The following TRAPPC9 variants were observed in gnomAD, a reference collection of about 807,000 sequenced individuals.
TRAPPC9 encodes trafficking protein particle complex subunit 9.
TRAPPC9 carries 83 observed loss-of-function variants against 124.0 expected under a neutral mutation model. The observed-to-expected ratio is 0.67, with a 90% CI of 0.56 to 0.80. The LOEUF (loss-of-function observed/expected upper bound fraction) is 0.80. TRAPPC9 is among the 30% of genes least tolerant of loss of function. The pLI, the probability that TRAPPC9 is intolerant of heterozygous loss-of-function variation, is 0.00. For missense variants in TRAPPC9, 1,302 were observed against 1,508.3 expected (o/e 0.86, Z 2.27); for synonymous variants, 638 against 617.5 (o/e 1.03, Z -0.49).
chr8:140,005,908 TAAAAA>T (rs757182607), intron 18 of TRAPPC9, among the ~76,000 whole-genome samples: 2 of 104,188 alleles, frequency 1.9e-5, no homozygotes, highest in Non-Finnish European at 4.0e-5. Flanking sequence ...AGACCCTGTC[TAAAAA>T]AAAAAAAAAA....
chr8:139,777,960 G>A (rs1341694643), intron 21 of TRAPPC9, among the ~76,000 whole-genome samples: 2 of 152,058 alleles, frequency 1.3e-5, no homozygotes, highest in Non-Finnish European at 2.9e-5. Flanking sequence ...ATACTGGAAA[G>A]GAGACAAGAG....
Position 140,116,204 on chromosome 8 carries a change from GA to G in TRAPPC9, c.2557-92126del, listed in dbSNP as rs571337168. On this transcript the variant is annotated intron_variant, in intron 17 of 22. Coordinates refer to ENST00000438773, the MANE Select transcript of TRAPPC9 (RefSeq NM_001160372.4). The stretch of plus-strand genomic sequence containing the variant: ...AATTTTTTATTCTTAAGGCAATGAG[GA>G]ATAACGAAAAGGTTTAAAGTAGGGT... Among the ~76,000 whole-genome samples the G allele has an allele frequency of 2.0e-5, 3 of 152,252 alleles. No homozygotes were observed. In the South Asian group the frequency reaches 6.2e-4, roughly 32 times the overall value.
intron 8 of TRAPPC9, among the ~76,000 whole-genome samples, chr8:140,365,379 G>A (rs769140128): frequency 9.2e-5 from 14 of 152,202 alleles, no homozygotes; most frequent in Admixed American, 5.2e-4. Context: ...CACATGGCAC[G>A]TGGAACGCGT....
intron 9 of TRAPPC9, among the ~76,000 whole-genome samples, chr8:140,334,361 G>C (rs2066978421): frequency 6.6e-6 from 1 of 151,554 alleles, no homozygotes; most frequent in African/African-American, 2.4e-5. Context: ...AATTAAATCA[G>C]TTCCATGGCT....
At chr8:139,860,613 CT>C (rs1258168654) in intron 21 of TRAPPC9, among the ~76,000 whole-genome samples, 1 of 152,222 alleles carries the variant, frequency 6.6e-6, no homozygotes, top group African/African-American at 2.4e-5. Flanking sequence ...AAACCTGGCT[CT>C]TTCCACACTT....
intron 4 of TRAPPC9, among the ~76,000 whole-genome samples, chr8:140,431,197 C>T (rs1270106219): frequency 6.6e-6 from 1 of 151,938 alleles, no homozygotes; most frequent in African/African-American, 2.4e-5. Context: ...TGGCTCACGC[C>T]TGTAATCCCA....
chr8:140,047,725 G>A (rs1026574755), intron 17 of TRAPPC9, among the ~76,000 whole-genome samples: 10 of 152,184 alleles, frequency 6.6e-5, no homozygotes, highest in Admixed American at 2.0e-4. Context: ...CCAGCCCCGA[G>A]TTCCGGTGTG....
intron 5 of TRAPPC9, among the ~76,000 whole-genome samples, chr8:140,420,877 CAACA>C (rs1337172131): frequency 1.3e-5 from 2 of 151,928 alleles, no homozygotes; most frequent in Non-Finnish European, 2.9e-5. Flanking sequence ...AATGAAAACC[CAACA>C]AACAAAGGGA....
intron 16 of TRAPPC9, among the ~76,000 whole-genome samples, chr8:140,246,259 C>A (rs563019672): frequency 6.6e-6 from 1 of 152,316 alleles, no homozygotes; most frequent in South Asian, 2.1e-4. Flanking sequence ...GCAAGTTTGA[C>A]AAGATGGTCC....
chr8:140,060,757 G>A (rs1842562196), intron 17 of TRAPPC9, among the ~76,000 whole-genome samples: 1 of 152,200 alleles, frequency 6.6e-6, no homozygotes, highest in Non-Finnish European at 1.5e-5. Flanking sequence ...TCTATTATCT[G>A]ACGACCCTTA....
At chr8:140,070,442 C>T (rs756234114) in intron 17 of TRAPPC9, among the ~76,000 whole-genome samples, 15 of 152,236 alleles carry the variant, frequency 9.9e-5, no homozygotes, top group East Asian at 3.9e-4. Context: ...ATAATACATA[C>T]GCATATATAT....
intron 10 of TRAPPC9, among the ~76,000 whole-genome samples, chr8:140,301,081 C>T (rs1248604634): frequency 2.6e-5 from 4 of 152,364 alleles, no homozygotes; most frequent in East Asian, 1.9e-4. Flanking sequence ...CCCAGGATGG[C>T]TCTTCTCTCT....
At chr8:139,874,135 A>G (rs1482157230) in intron 21 of TRAPPC9, among the ~76,000 whole-genome samples, 1 of 152,274 alleles carries the variant, frequency 6.6e-6, no homozygotes, top group Non-Finnish European at 1.5e-5. Context: ...GTCGTAAGGC[A>G]GATGCCAGGA....
intron 17 of TRAPPC9, among the ~76,000 whole-genome samples, chr8:140,091,131 A>G (rs762180915): frequency 1.1e-4 from 17 of 152,206 alleles, no homozygotes; most frequent in Admixed American, 5.2e-4. Flanking sequence ...AAGCAGAGGC[A>G]CAGTGAGACG....
At chr8:139,737,648 C>T (rs921575930) in intron 21 of TRAPPC9, among the ~76,000 whole-genome samples, 4 of 152,316 alleles carry the variant, frequency 2.6e-5, no homozygotes, top group Admixed American at 2.0e-4. Flanking sequence ...CGGGATGGGG[C>T]GGGATTTGCA....
rs1300890885 is a variant in TRAPPC9, at chr8:140,252,703, G to A, written c.2431+74C>T. The stretch of plus-strand genomic sequence containing the variant: ...AGTGAGTTACAAACAGCAAACAGCA[G>A]GCATCAAGGGATGGGGGTTGCTACA... On this transcript the variant is annotated intron_variant, in intron 16 of 22. Coordinates refer to ENST00000438773, the MANE Select transcript of TRAPPC9 (RefSeq NM_001160372.4). This position sits in a 1 kb window ranked among gnomAD's most constrained non-coding sequence, Gnocchi z 4.2. The A allele has an allele frequency of 3.2e-6, 5 of 1,552,062 alleles. No homozygotes were observed. Among genetic ancestry groups the A allele is most frequent in the Non-Finnish European group, 4.4e-6 (5 of 1,133,990 alleles).
intron 4 of TRAPPC9, among the ~76,000 whole-genome samples, chr8:140,431,194 C>T (rs1391009889): frequency 2.6e-5 from 4 of 151,910 alleles, no homozygotes; most frequent in Middle Eastern, 3.4e-3. Context: ...CGGTGGCTCA[C>T]GCCTGTAATC....
intron 19 of TRAPPC9, among the ~76,000 whole-genome samples, chr8:139,956,600 T>G (rs1835004743): frequency 6.6e-6 from 1 of 152,196 alleles, no homozygotes; most frequent in Non-Finnish European, 1.5e-5. Context: ...AGGAATTGTT[T>G]CCAATCAGGA....
rs573602642 is a variant in TRAPPC9 at position 139,733,911 on chromosome 8, C to T, written c.3056-1709G>A. The stretch of plus-strand genomic sequence containing the variant: ...TAAGGACTGGCCTGCCTGGCTCACA[C>T]GGTCAGGCCAGAGCAGGCAACTTCA... On this transcript the variant is annotated intron_variant, in intron 21 of 22. Coordinates refer to ENST00000438773, the MANE Select transcript of TRAPPC9 (RefSeq NM_001160372.4). Among the ~76,000 whole-genome samples, 14 of 152,332 alleles carry T rather than the reference C, an allele frequency of 9.2e-5. No individual in the cohort carries two copies. In the East Asian group the frequency reaches 9.7e-4, roughly 11 times the overall value.
Sources: gnomAD v4.1 joint callset for allele counts (sites outside exome capture counted in the v4.1 genomes callset) on GRCh38, gnomAD v4.1.1 for gene constraint, Gnocchi (gnomAD v3.1) non-coding constraint, MANE v1.5 for transcripts, NCBI Gene and HGNC (gene_info 2026-07-23, HGNC 2026-07-21) for gene names.